The following GRIK2 variants were observed in gnomAD, a reference collection of about 807,000 sequenced individuals.
GRIK2 encodes the protein glutamate ionotropic receptor kainate type subunit 2.
GRIK2 carries 32 observed loss-of-function variants against 100.3 expected under a neutral mutation model. That is an observed-to-expected ratio of 0.32 (90% CI 0.24 to 0.43). The LOEUF is 0.43. Ranked by LOEUF, GRIK2 falls within the 20% of genes least tolerant of loss-of-function variation. GRIK2 has a pLI of 1.00. For missense variants in GRIK2, 843 were observed against 1,114.9 expected, an observed-to-expected ratio of 0.76 and a Z score of 3.47; for synonymous variants, 417 against 389.4, an observed-to-expected ratio of 1.07 and a Z score of -0.83.
chr6:102,055,797 A>C (rs1341876628), intron 16 of GRIK2, among the ~76,000 whole-genome samples: 1 of 152,058 alleles, frequency 6.6e-6, no homozygotes, highest in Admixed American at 6.6e-5. Flanking sequence ...TAATTTTAAT[A>C]TGTTTAATTG....
At chr6:101,781,256 C>T (rs1779075291) in intron 7 of GRIK2, among the ~76,000 whole-genome samples, 1 of 152,196 alleles carries the variant, frequency 6.6e-6, no homozygotes, top group South Asian at 2.1e-4. Context: ...CAATCAGTGA[C>T]ATTATGAACC....
At chr6:101,540,746 GTTCT>G (rs1775946031) in intron 2 of GRIK2, among the ~76,000 whole-genome samples, 1 of 151,878 alleles carries the variant, frequency 6.6e-6, no homozygotes, top group African/African-American at 2.4e-5. Context: ...TTGCCTGAAA[GTTCT>G]TTCTAATTTA....
intron 2 of GRIK2, among the ~76,000 whole-genome samples, chr6:101,452,527 G>A (rs533319628): frequency 7.1e-4 from 107 of 151,456 alleles, no homozygotes; most frequent in African/African-American, 2.5e-3. Context: ...TACCAAATAA[G>A]GCACTGCTTT....
chr6:101,581,684 G>A (rs1288919359), intron 2 of GRIK2, among the ~76,000 whole-genome samples: 1 of 152,056 alleles, frequency 6.6e-6, no homozygotes, highest in Non-Finnish European at 1.5e-5. Context: ...ATGCCTTCCA[G>A]AAAATTAAAA....
chr6:101,863,509 T>C (rs995530028), intron 11 of GRIK2, among the ~76,000 whole-genome samples: 3 of 152,208 alleles, frequency 2.0e-5, no homozygotes, highest in African/African-American at 2.4e-5. Context: ...CACTTAATCA[T>C]AGACATTCCT....
intron 2 of GRIK2, among the ~76,000 whole-genome samples, chr6:101,535,869 C>T (rs941186372): frequency 6.6e-6 from 1 of 151,588 alleles, no homozygotes; most frequent in Admixed American, 6.6e-5. Flanking sequence ...GTTTTGGTCA[C>T]ACACACCTTA....
chr6:101,759,986 C>T (rs1277671245), intron 7 of GRIK2, among the ~76,000 whole-genome samples: 3 of 128,118 alleles, frequency 2.3e-5, no homozygotes, highest in Non-Finnish European at 4.5e-5. Context: ...TCTCCTGCCT[C>T]AGCCTCCCGA....
At chr6:101,510,268 G>A (rs1471016400) in intron 2 of GRIK2, among the ~76,000 whole-genome samples, 1 of 152,100 alleles carries the variant, frequency 6.6e-6, no homozygotes, top group African/African-American at 2.4e-5. Flanking sequence ...GTTGTCAAGG[G>A]TTCAGCTATG....
In GRIK2 at chr6:101,957,062, A is replaced by G. The variant is rs542388152; in HGVS notation, c.2085+28430A>G. On this transcript the variant is annotated intron_variant, in intron 14 of 16. Transcript: ENST00000369134. ...CTGTTCTATTTTTAGTTCTTTGAGT[A>G]ACCTCTATACTGTTTTCCACAGAAG... Among the ~76,000 whole-genome samples the G allele has an allele frequency of 5.3e-5, 8 of 152,048 alleles. No individual in the cohort carries two copies. The South Asian group carries it at 1.5e-3, about 28-fold the overall frequency.
intron 7 of GRIK2, among the ~76,000 whole-genome samples, chr6:101,754,884 G>A (rs1413031136): frequency 1.3e-5 from 2 of 152,156 alleles, no homozygotes; most frequent in African/African-American, 4.8e-5. Context: ...GAGGAGTAAG[G>A]GATAGCGGAA....
chr6:101,452,054 CT>C (rs1770727740), intron 2 of GRIK2, among the ~76,000 whole-genome samples: 1 of 151,698 alleles, frequency 6.6e-6, no homozygotes, highest in Non-Finnish European at 1.5e-5. Flanking sequence ...TAATACCTTT[CT>C]ATTAATCAAT....
At chr6:101,441,858 T>C (rs1770084393) in intron 2 of GRIK2, among the ~76,000 whole-genome samples, 1 of 152,094 alleles carries the variant, frequency 6.6e-6, no homozygotes, top group Non-Finnish European at 1.5e-5. Context: ...AATGTTTAGC[T>C]TCCACTTTAT....
intron 2 of GRIK2, among the ~76,000 whole-genome samples, chr6:101,518,737 C>A (rs1774717381): frequency 6.6e-6 from 1 of 152,082 alleles, no homozygotes; most frequent in Non-Finnish European, 1.5e-5. Flanking sequence ...AGGAGGCCTG[C>A]AATAAAGATG....
chr6:101,777,623 G>T (rs900782729), intron 7 of GRIK2, among the ~76,000 whole-genome samples: 5 of 151,994 alleles, frequency 3.3e-5, no homozygotes, highest in African/African-American at 9.7e-5. Context: ...TTAGTAAAAA[G>T]GTCAAGTCAG....
At chr6:101,580,787 C>A (rs1169672415) in intron 2 of GRIK2, among the ~76,000 whole-genome samples, 1 of 152,072 alleles carries the variant, frequency 6.6e-6, no homozygotes, top group African/African-American at 2.4e-5. Flanking sequence ...GGAGTTTACA[C>A]TTTGCTGTTC....
chr6:101,686,421 G>A, intron 7 of GRIK2, 68 bp downstream of exon 7: 1 of 1,126,860 alleles, frequency 8.9e-7, no homozygotes, highest in African/African-American at 1.5e-5. Context: ...TGAACTTCTG[G>A]GTTTATATGC....
intron 12 of GRIK2, among the ~76,000 whole-genome samples, chr6:101,923,203 G>T (rs1291467053): frequency 6.6e-6 from 1 of 152,126 alleles, no homozygotes; most frequent in African/African-American, 2.4e-5. Context: ...GCTCTCTGAA[G>T]TGACGGATAC....
chr6:101,886,181 A>G (rs971249009), intron 11 of GRIK2, among the ~76,000 whole-genome samples: 6 of 152,126 alleles, frequency 3.9e-5, no homozygotes, highest in African/African-American at 1.4e-4. Context: ...GCCTTTTCAG[A>G]GGCTCTGAAC....
At chr6:101,460,514 A>G (rs992378808) in intron 2 of GRIK2, among the ~76,000 whole-genome samples, 4 of 152,260 alleles carry the variant, frequency 2.6e-5, no homozygotes, top group African/African-American at 9.6e-5. Context: ...TATCATTAAC[A>G]GGAACTGTTG....
Sources: allele counts gnomAD v4.1 joint callset (sites outside exome capture counted in the v4.1 genomes callset), GRCh38; gene constraint gnomAD v4.1.1; transcripts MANE v1.5; gene names NCBI Gene and HGNC (gene_info 2026-07-23, HGNC 2026-07-21).